The following COL4A2 variants were observed in gnomAD, a reference collection of about 807,000 sequenced individuals.
COL4A2 encodes collagen alpha-2(IV) chain.
In COL4A2, 99 loss-of-function variants were observed where a neutral mutation model predicts 200.2. That is an observed-to-expected ratio of 0.49 (90% confidence interval 0.42 to 0.58). The LOEUF is 0.58. Among genes scored for constraint, COL4A2 ranks in the 20% least tolerant of loss-of-function variants. COL4A2 has a pLI of 0.00. For missense variants in COL4A2, 1,950 were observed against 2,314.1 expected (o/e 0.84, Z 3.23); for synonymous variants, 897 against 900.6 (o/e 1.00, Z 0.07).
chr13:110,495,798 G>A (rs553015589), intron 40 of COL4A2, among the ~76,000 whole-genome samples: 1 of 152,300 alleles, frequency 6.6e-6, no homozygotes, highest in African/African-American at 2.4e-5. Context: ...GGTAGTGAAT[G>A]TGCGAATAAA....
intron 40 of COL4A2, among the ~76,000 whole-genome samples, chr13:110,495,736 T>G (rs1883433490): frequency 6.6e-6 from 1 of 152,164 alleles, no homozygotes; most frequent in South Asian, 2.1e-4. Flanking sequence ...CCCCATCAGA[T>G]CCTCTGTGCG....
intron 4 of COL4A2, among the ~76,000 whole-genome samples, chr13:110,406,788 T>C (rs533964350): frequency 6.6e-6 from 1 of 152,360 alleles, no homozygotes; most frequent in East Asian, 1.9e-4. Flanking sequence ...GAAGCATGTA[T>C]GTATACATCT....
At chr13:110,432,396 G>A (rs1380624872) in intron 11 of COL4A2, 36 bp downstream of exon 11, 1 of 1,577,200 alleles carries the variant, frequency 6.3e-7, no homozygotes. Flanking sequence ...TGAGGGAAGG[G>A]GGTACTTAGG....
chr13:110,456,784 G>C (rs1387620599), intron 20 of COL4A2: 1 of 479,084 alleles, frequency 2.1e-6, no homozygotes, highest in Non-Finnish European at 4.3e-6. Context: ...TCACAACTGG[G>C]TGGGATGCCG....
At position 110,480,362 on chromosome 13, in the gene COL4A2, T is replaced by C; in HGVS notation, c.2730T>C (p.Asp910=). 10 of 1,612,582 alleles carry C rather than the reference T, an allele frequency of 6.2e-6. No individual in the cohort carries two copies. Among genetic ancestry groups the C allele is most frequent in the Non-Finnish European group, 8.5e-6 (10 of 1,179,470 alleles). ...GAAGCCCTGGATTTAAAGGAATTGA[T>C]GGAATGCCTGGGACCCCCGGGCTAA... ...HPGSPGFKGI[D]GMPGTPGLKG... Residue 910 remains aspartate (D), a synonymous_variant, in exon 31 of 48, where the codon GAT becomes GAC. Coordinates refer to ENST00000360467, the MANE Select transcript of COL4A2 (RefSeq NM_001846.4).
intron 33 of COL4A2, among the ~76,000 whole-genome samples, chr13:110,485,298 T>C (rs779158852): frequency 1.6e-3 from 247 of 151,648 alleles, no homozygotes; most frequent in Non-Finnish European, 2.2e-3. Flanking sequence ...CCGAGGCGGG[T>C]GGATCACAAG....
chr13:110,359,691 C>T (rs1372335515), intron 4 of COL4A2, among the ~76,000 whole-genome samples: 2 of 152,212 alleles, frequency 1.3e-5, no homozygotes, highest in African/African-American at 4.8e-5. Context: ...AGGTGCGATG[C>T]CGCTGCCTCC....
chr13:110,499,965 C>T (rs1253706301), intron 40 of COL4A2, among the ~76,000 whole-genome samples: 1 of 152,246 alleles, frequency 6.6e-6, no homozygotes, highest in Non-Finnish European at 1.5e-5. Flanking sequence ...TTATATCAAA[C>T]TACAGATGGT....
Position 110,512,003 on chromosome 13 carries a change from C to G in COL4A2, c.4951C>G (p.Arg1651Gly), listed in dbSNP as rs569071842. 2 of 1,613,592 alleles carry G rather than the reference C, an allele frequency of 1.2e-6. No homozygotes were observed. Among genetic ancestry groups the G allele is most frequent in the Non-Finnish European group, 1.7e-6 (2 of 1,180,046 alleles). Residue 1651 changes from arginine (R) to glycine (G), a missense_variant, in exon 48 of 48, where the codon CGC becomes GGC. Arg to Gly is a moderately radical substitution (Grantham distance 125). Transcript: ENST00000360467. ...ACCGGGCAGCTGTCTAGAGGACTTC[C>G]GCGCCACACCATTCATCGAATGCAA... ...VSPGSCLEDF[R>G]ATPFIECNGG... is the part of the protein sequence containing the mutation.
intron 3 of COL4A2, among the ~76,000 whole-genome samples, chr13:110,327,100 A>C (rs7318137): frequency 0.95 from 144,085 of 152,042 alleles, 68,703 homozygotes; most frequent in East Asian, 1. Context: ...AACCTGGGCT[A>C]GCCTGTCCCC....
chr13:110,389,285 C>T (rs939795763), intron 4 of COL4A2, among the ~76,000 whole-genome samples: 4 of 152,182 alleles, frequency 2.6e-5, no homozygotes, highest in Admixed American at 6.5e-5. Flanking sequence ...GAGGACATTT[C>T]GTGTCTGTAA....
rs941312771 is a variant in COL4A2, at chr13:110,503,260, G to T, written c.4017G>T (p.Val1339=). 4.4e-6 allele frequency: 7 copies of T among 1,605,768 alleles called. No individual in the cohort carries two copies. Among genetic ancestry groups the T allele is most frequent in the Non-Finnish European group, 5.9e-6 (7 of 1,177,014 alleles). ...CCGGGCCCCAGGGCAGGCCTGGTGT[G>T]TTTGGTCTCCCAGGAGAAAAAGGTA... ...GDSGPQGRPG[V]FGLPGEKGPR... Residue 1339 remains valine, a synonymous_variant, in exon 42 of 48, where the codon GTG becomes GTT. Coordinates refer to ENST00000360467, the MANE Select transcript of COL4A2 (RefSeq NM_001846.4).
chr13:110,420,705 T>C (rs1880215088), intron 4 of COL4A2, among the ~76,000 whole-genome samples: 1 of 152,226 alleles, frequency 6.6e-6, no homozygotes, highest in Non-Finnish European at 1.5e-5. Flanking sequence ...AGGACGATGA[T>C]TAGCACAGAG....
At chr13:110,408,846 CAT>C (rs68060651) in intron 4 of COL4A2, among the ~76,000 whole-genome samples, 80,953 of 130,650 alleles carry the variant, frequency 0.62, 25,323 homozygotes, top group Admixed American at 0.66. Context: ...TACACGCACA[CAT>C]ATACACACAT....
At chr13:110,349,717 G>A (rs78145485) in intron 3 of COL4A2, among the ~76,000 whole-genome samples, 6,058 of 152,014 alleles carry the variant, frequency 0.04, 385 homozygotes, top group African/African-American at 0.14. Context: ...GGAGTGATTT[G>A]ATGTCTATGG....
At chr13:110,474,446 T>C (rs985749799) in intron 29 of COL4A2, among the ~76,000 whole-genome samples, 1 of 152,150 alleles carries the variant, frequency 6.6e-6, no homozygotes, top group African/African-American at 2.4e-5. Flanking sequence ...GTTTTGATGA[T>C]GATGAGACTG....
intron 3 of COL4A2, among the ~76,000 whole-genome samples, chr13:110,331,206 A>G (rs548264176): frequency 1.2e-4 from 19 of 152,324 alleles, no homozygotes; most frequent in Non-Finnish European, 2.4e-4. Context: ...AGGCCATTGC[A>G]AAGGACAGAG....
intron 4 of COL4A2, among the ~76,000 whole-genome samples, chr13:110,369,627 A>G (rs950417370): frequency 2.0e-5 from 3 of 152,232 alleles, no homozygotes; most frequent in Non-Finnish European, 4.4e-5. Context: ...GCACTATGGC[A>G]TAGGCTATGG....
intron 24 of COL4A2, 104 bp downstream of exon 24, chr13:110,462,488 C>A: frequency 9.2e-7 from 1 of 1,083,448 alleles, no homozygotes; most frequent in Non-Finnish European, 1.4e-6. Flanking sequence ...CTAAACCAAC[C>A]TGTGCATAGG....
Sources: gnomAD v4.1 joint callset for allele counts (sites outside exome capture counted in the v4.1 genomes callset) on GRCh38, gnomAD v4.1.1 for gene constraint, MANE v1.5 for transcripts, NCBI Gene and HGNC (gene_info 2026-07-23, HGNC 2026-07-21) for gene names.